Variants in CACNA2D1 observed in about 807,000 individuals in gnomAD.
CACNA2D1 encodes calcium voltage-gated channel auxiliary subunit alpha2delta 1.
Under a neutral mutation model 171.5 loss-of-function variants are expected in CACNA2D1, and 53 were observed. That is an observed-to-expected ratio of 0.31 (90% CI 0.25 to 0.39). CACNA2D1 has a LOEUF of 0.39. Ranked by LOEUF, CACNA2D1 falls within the 10% of genes least tolerant of loss-of-function variation. The pLI, the probability that CACNA2D1 is intolerant of heterozygous loss-of-function variation, is 1.00. For missense variants in CACNA2D1, 903 were observed against 1,299.8 expected (o/e 0.69, Z 4.69); for synonymous variants, 442 against 443.1 (o/e 1.00, Z 0.03).
chr7:82,166,021 C>T (rs1225019418), intron 4 of CACNA2D1, among the ~76,000 whole-genome samples: 1 of 151,968 alleles, frequency 6.6e-6, no homozygotes, highest in Non-Finnish European at 1.5e-5. Context: ...AAAACAAATA[C>T]AGTGTGTTTT....
At chr7:82,346,183 CAG>C (rs1819233445) in intron 2 of CACNA2D1, among the ~76,000 whole-genome samples, 1 of 152,186 alleles carries the variant, frequency 6.6e-6, no homozygotes, top group Admixed American at 6.5e-5. Flanking sequence ...CTAAGGATGG[CAG>C]AGTCACCCTG....
chr7:82,413,042 G>A (rs1827834974), intron 1 of CACNA2D1, among the ~76,000 whole-genome samples: 1 of 152,010 alleles, frequency 6.6e-6, no homozygotes, highest in African/African-American at 2.4e-5. Context: ...TTAAAAATTA[G>A]AGAAGTACTA....
At chr7:82,332,510 TAAAGAAAGAAAGAAAG>T (rs757450961) in intron 3 of CACNA2D1, among the ~76,000 whole-genome samples, 61 of 92,650 alleles carry the variant, frequency 6.6e-4, no homozygotes, top group Admixed American at 7.9e-4. Context: ...AAAAGAAATA[TAAAGAAAGAAAGAAAG>T]AAAGAAAGAA....
chr7:81,959,844 T>G lies in CACNA2D1; in HGVS notation c.2967-15A>C. On this transcript the variant is annotated splice_polypyrimidine_tract_variant and intron_variant, in intron 36 of 38. Transcript: ENST00000356860. ...CATGAAAGATTCTGCAAAATAAATATGGTATCATAGAAAATGAGTATCTTT... is the reference window on the plus strand; with the variant it reads ...CATGAAAGATTCTGCAAAATAAATAGGGTATCATAGAAAATGAGTATCTTT... 6.2e-7 allele frequency: 1 copy of G among 1,609,504 alleles called. No homozygotes were observed. Among genetic ancestry groups the G allele is most frequent in the Non-Finnish European group, 8.5e-7 (1 of 1,177,360 alleles).
intron 1 of CACNA2D1, among the ~76,000 whole-genome samples, chr7:82,411,895 T>TCACACACACACACA (rs5885295): frequency 3.3e-4 from 48 of 144,884 alleles, no homozygotes; most frequent in African/African-American, 1.1e-3. Context: ...AAACTAAATC[T>TCACACACACACACA]CACACACACA....
intron 7 of CACNA2D1, among the ~76,000 whole-genome samples, chr7:82,080,701 C>G (rs1200230341): frequency 6.6e-6 from 1 of 152,116 alleles, no homozygotes; most frequent in African/African-American, 2.4e-5. Flanking sequence ...GAAAAGTGAC[C>G]TAAGGCCATC....
chr7:82,062,729 CTTTTTTTTT>C (rs71520797), intron 9 of CACNA2D1, among the ~76,000 whole-genome samples: 6 of 52,188 alleles, frequency 1.1e-4, no homozygotes, highest in Admixed American at 5.2e-4. Flanking sequence ...GGTATATCTC[CTTTTTTTTT>C]TTTTTTTTTT....
intron 3 of CACNA2D1, among the ~76,000 whole-genome samples, chr7:82,229,757 T>C (rs992798711): frequency 6.6e-6 from 1 of 152,006 alleles, no homozygotes; most frequent in Non-Finnish European, 1.5e-5. Flanking sequence ...TTTCAAATTC[T>C]GGGCTCAAGT....
intron 3 of CACNA2D1, among the ~76,000 whole-genome samples, chr7:82,225,411 C>G (rs1313044435): frequency 6.6e-6 from 1 of 152,154 alleles, no homozygotes; most frequent in Non-Finnish European, 1.5e-5. Flanking sequence ...TGAAATTCTA[C>G]CTACTACCTA....
chr7:81,991,828 C>G (rs1206913330), intron 20 of CACNA2D1, among the ~76,000 whole-genome samples: 2 of 151,658 alleles, frequency 1.3e-5, no homozygotes, highest in Admixed American at 1.3e-4. Context: ...ATTGCGATGG[C>G]ACATGTATAA....
chr7:82,078,782 A>T (rs930024114), intron 7 of CACNA2D1, among the ~76,000 whole-genome samples: 1 of 152,186 alleles, frequency 6.6e-6, no homozygotes, highest in Non-Finnish European at 1.5e-5. Flanking sequence ...CAGAAATATA[A>T]TATGACTTAA....
At chr7:81,987,111 C>T (rs185562404) in intron 21 of CACNA2D1, among the ~76,000 whole-genome samples, 3 of 152,216 alleles carry the variant, frequency 2.0e-5, no homozygotes, top group East Asian at 3.9e-4. Flanking sequence ...ATCTACTATG[C>T]GTTTTGTTGG....
chr7:81,956,327 C>A (rs563327115), intron 38 of CACNA2D1, among the ~76,000 whole-genome samples: 1 of 151,972 alleles, frequency 6.6e-6, no homozygotes, highest in South Asian at 2.1e-4. Context: ...TACTCAAGAG[C>A]AATACTTACA....
At chr7:82,144,358 G>A (rs921079548) in intron 4 of CACNA2D1, among the ~76,000 whole-genome samples, 3 of 151,836 alleles carry the variant, frequency 2.0e-5, no homozygotes, top group Admixed American at 1.3e-4. Flanking sequence ...CAGTGTTCTA[G>A]AAATAACTCC....
At chr7:82,000,399 G>C (rs977267607) in intron 18 of CACNA2D1, among the ~76,000 whole-genome samples, 24 of 152,120 alleles carry the variant, frequency 1.6e-4, no homozygotes, top group Non-Finnish European at 1.5e-5. Flanking sequence ...TGAATATACT[G>C]TGTAGGATGG....
At chr7:82,168,987 C>T (rs1346995760) in intron 4 of CACNA2D1, among the ~76,000 whole-genome samples, 3 of 152,054 alleles carry the variant, frequency 2.0e-5, no homozygotes, top group South Asian at 2.1e-4. Flanking sequence ...AGGCAGAATA[C>T]ATGATCTAGC....
At chr7:82,157,338 C>T (rs1639985144) in intron 4 of CACNA2D1, among the ~76,000 whole-genome samples, 1 of 152,052 alleles carries the variant, frequency 6.6e-6, no homozygotes, top group Non-Finnish European at 1.5e-5. Context: ...ATCCTGTGGG[C>T]AGTTTGATGA....
At position 82,362,941 on chromosome 7, in the gene CACNA2D1, A is replaced by C. The variant is rs74789883; in HGVS notation, c.96-13292T>G. On this transcript the variant is annotated intron_variant, in intron 1 of 38. Transcript: ENST00000356860. ...TCATTACCCTACTAAAAACCTTTTT[A>C]TTTAGGCACAAACTGTCAGAAAGTT... Among the ~76,000 whole-genome samples, 37 of 152,288 alleles carry C rather than the reference A, an allele frequency of 2.4e-4. 1 individual carries two copies. Among genetic ancestry groups the C allele is most frequent in the Non-Finnish European group, 4.6e-4 (31 of 68,014 alleles).
At chr7:82,376,752 ACAG>A (rs1823058448) in intron 1 of CACNA2D1, among the ~76,000 whole-genome samples, 1 of 152,204 alleles carries the variant, frequency 6.6e-6, no homozygotes, top group South Asian at 2.1e-4. Flanking sequence ...TTGGCTGTGA[ACAG>A]CATTTCAGCT....
Sources: allele counts gnomAD v4.1 joint callset (sites outside exome capture counted in the v4.1 genomes callset), GRCh38; gene constraint gnomAD v4.1.1; transcripts MANE v1.5; gene names NCBI Gene and HGNC (gene_info 2026-07-23, HGNC 2026-07-21).